BCKDHB: variants seen among roughly 807,000 people sequenced by gnomAD.
BCKDHB encodes the protein 2-oxoisovalerate dehydrogenase subunit beta, mitochondrial.
BCKDHB carries 41 observed loss-of-function variants against 48.5 expected under a neutral mutation model. The ratio of observed to expected loss-of-function variants is 0.85; its 90% confidence interval spans 0.66 to 1.10. The LOEUF (loss-of-function observed/expected upper bound fraction) is 1.10, where lower values mean the gene tolerates loss of function less well. Among genes scored for constraint, BCKDHB ranks in the 50% least tolerant of loss-of-function variants. BCKDHB has a pLI of 0.00. For missense variants in BCKDHB, 496 were observed against 494.2 expected (o/e 1.00, Z -0.03); for synonymous variants, 201 against 174.8 (o/e 1.15, Z -1.18).
At chr6:80,276,752 T>C (rs942580296) in intron 9 of BCKDHB, among the ~76,000 whole-genome samples, 1 of 151,910 alleles carries the variant, frequency 6.6e-6, no homozygotes, top group African/African-American at 2.4e-5. Flanking sequence ...TTTGAAATAA[T>C]GGTAAACTCA....
chr6:80,165,705 C>T (rs769887131), intron 3 of BCKDHB, among the ~76,000 whole-genome samples: 1 of 152,094 alleles, frequency 6.6e-6, no homozygotes, highest in Admixed American at 6.5e-5. Context: ...TAAAATTGTA[C>T]CTAGTGGTTC....
chr6:80,260,538 C>A (rs1777256211), intron 8 of BCKDHB, among the ~76,000 whole-genome samples: 1 of 152,124 alleles, frequency 6.6e-6, no homozygotes, highest in African/African-American at 2.4e-5. Context: ...GCCATAGAAT[C>A]CTTTTTCCTG....
chr6:80,462,682 G>T, the BCKDHB span, among the ~76,000 whole-genome samples: 2 of 152,156 alleles, frequency 1.3e-5, no homozygotes, highest in East Asian at 3.8e-4. Context: ...AATCTCTGAA[G>T]CCAGGGAAAT....
the BCKDHB span, among the ~76,000 whole-genome samples, chr6:80,366,413 C>A: frequency 6.6e-6 from 1 of 152,154 alleles, no homozygotes; most frequent in East Asian, 1.9e-4. Context: ...CTAGCACATG[C>A]TCATAGACAT....
intron 8 of BCKDHB, among the ~76,000 whole-genome samples, chr6:80,238,397 C>T (rs952640229): frequency 6.6e-6 from 1 of 152,120 alleles, no homozygotes; most frequent in Non-Finnish European, 1.5e-5. Context: ...TCCTGCCCAG[C>T]CTTATCTTTA....
chr6:80,128,632 A>G (rs899710287), intron 2 of BCKDHB, among the ~76,000 whole-genome samples: 1 of 152,082 alleles, frequency 6.6e-6, no homozygotes, highest in Non-Finnish European at 1.5e-5. Flanking sequence ...TACTTACTGT[A>G]TGCTGTGTCT....
chr6:80,393,377 G>A, the BCKDHB span, among the ~76,000 whole-genome samples: 4 of 152,118 alleles, frequency 2.6e-5, no homozygotes, highest in African/African-American at 9.7e-5. Flanking sequence ...GCCTTTAGGA[G>A]ATGACTAGTT....
intron 8 of BCKDHB, among the ~76,000 whole-genome samples, chr6:80,265,055 A>C (rs1243956919): frequency 6.6e-6 from 1 of 152,102 alleles, no homozygotes; most frequent in Non-Finnish European, 1.5e-5. Flanking sequence ...AACTACAGAA[A>C]ATAAGTGTTG....
At chr6:80,136,429 G>C (rs887799192) in intron 3 of BCKDHB, among the ~76,000 whole-genome samples, 3 of 152,040 alleles carry the variant, frequency 2.0e-5, no homozygotes, top group Non-Finnish European at 2.9e-5. Flanking sequence ...AATGAATTTG[G>C]ACCTTTATTT....
chr6:80,387,251 G>A, the BCKDHB span, among the ~76,000 whole-genome samples: 1 of 152,152 alleles, frequency 6.6e-6, no homozygotes, highest in African/African-American at 2.4e-5. Flanking sequence ...ATGCATAAAT[G>A]GCATAGACAT....
chr6:80,136,236 A>G (rs929307875), intron 3 of BCKDHB, among the ~76,000 whole-genome samples: 3 of 152,188 alleles, frequency 2.0e-5, no homozygotes, highest in African/African-American at 7.2e-5. Context: ...TGTAGTTATC[A>G]AAACGGTGTG....
chr6:80,311,375 C>G (rs1768150432), intron 9 of BCKDHB, among the ~76,000 whole-genome samples: 1 of 152,150 alleles, frequency 6.6e-6, no homozygotes. Context: ...CAAAAATTTT[C>G]TCCCATTCTG....
intron 3 of BCKDHB, among the ~76,000 whole-genome samples, chr6:80,138,389 C>A (rs1771004048): frequency 6.6e-6 from 1 of 151,918 alleles, no homozygotes; most frequent in Admixed American, 6.6e-5. Flanking sequence ...GTACACTGCA[C>A]CCACTAACTC....
At chr6:80,353,011 A>G in the BCKDHB span, among the ~76,000 whole-genome samples, 2 of 152,314 alleles carry the variant, frequency 1.3e-5, no homozygotes, top group East Asian at 3.9e-4. Context: ...CACCCAGATA[A>G]CATACATTGT....
At chr6:80,340,614 G>T (rs1474528527) in intron 9 of BCKDHB, among the ~76,000 whole-genome samples, 1 of 152,110 alleles carries the variant, frequency 6.6e-6, no homozygotes, top group Non-Finnish European at 1.5e-5. Context: ...CATCAAATAT[G>T]GTTTTTAAGT....
At chr6:80,303,702 A>T (rs972734344) in intron 9 of BCKDHB, among the ~76,000 whole-genome samples, 20 of 151,994 alleles carry the variant, frequency 1.3e-4, no homozygotes, top group Non-Finnish European at 2.4e-4. Context: ...CTTCCTTTAA[A>T]CTTCTGTAAA....
chr6:80,349,345 C>T (rs139416836), downstream of BCKDHB, among the ~76,000 whole-genome samples: 319 of 152,172 alleles, frequency 2.1e-3, no homozygotes, highest in African/African-American at 6.8e-3. Context: ...GTGCCTGTTA[C>T]GGGCCGGGCA....
chr6:80,317,319 C>T (rs1768497227), intron 9 of BCKDHB, among the ~76,000 whole-genome samples: 2 of 152,204 alleles, frequency 1.3e-5, no homozygotes, highest in African/African-American at 2.4e-5. Context: ...GTCCAACACA[C>T]ATATCAATGG....
chr6:80,160,401 G>A (rs141261900), intron 3 of BCKDHB, among the ~76,000 whole-genome samples: 10 of 152,068 alleles, frequency 6.6e-5, no homozygotes, highest in African/African-American at 2.2e-4. Context: ...CAAGTGATCC[G>A]CCCACCTCAG....
Sources: allele counts gnomAD v4.1 joint callset (sites outside exome capture counted in the v4.1 genomes callset), GRCh38; gene constraint gnomAD v4.1.1; transcripts MANE v1.5; gene names NCBI Gene and HGNC (gene_info 2026-07-23, HGNC 2026-07-21).